Variants in ATP9A observed in about 807,000 individuals in gnomAD.
The protein encoded by ATP9A is ATPase phospholipid transporting 9A.
ATP9A carries 52 observed loss-of-function variants against 144.1 expected under a neutral mutation model. The observed-to-expected ratio is 0.36, with a 90% CI of 0.29 to 0.45. ATP9A has a LOEUF of 0.45. Ranked by LOEUF, ATP9A falls within the 20% of genes least tolerant of loss-of-function variation. The probability of loss-of-function intolerance (pLI) is 1.00; values close to 1 mark genes in which losing one functional copy is unlikely to be tolerated. For missense variants in ATP9A, 947 were observed against 1,392.7 expected (o/e 0.68, Z 5.09); for synonymous variants, 582 against 557.4 (o/e 1.04, Z -0.62).
chr20:51,642,464 T>A (rs1008342089), intron 14 of ATP9A, among the ~76,000 whole-genome samples: 1 of 152,116 alleles, frequency 6.6e-6, no homozygotes, highest in Non-Finnish European at 1.5e-5. Flanking sequence ...GGCCAGCATC[T>A]GTTTTAAAAT....
intron 14 of ATP9A, among the ~76,000 whole-genome samples, chr20:51,642,360 G>A (rs2077323196): frequency 1.3e-5 from 2 of 151,894 alleles, no homozygotes; most frequent in Admixed American, 1.3e-4. Context: ...TCACCATGTT[G>A]GCCAAATTGG....
chr20:51,750,852 GAACCCAGCAGA>G lies in ATP9A; in HGVS notation c.68+17439_68+17449del, dbSNP rs1568847202. On this transcript the variant is annotated intron_variant, in intron 1 of 27. Transcript: ENST00000338821. ...ACCTAGGGAGGAATCCAAATGGCAG[GAACCCAGCAGA>G]GACACACCAAGGGTCCCCACTGGCA... 1.9e-4 allele frequency among the ~76,000 whole-genome samples: 29 copies of G among 152,250 alleles called. No individual in the cohort carries two copies. The South Asian group carries it at 5.4e-3, about 28-fold the overall frequency.
chr20:51,710,777 G>A (rs1448871396), intron 4 of ATP9A, among the ~76,000 whole-genome samples: 1 of 152,166 alleles, frequency 6.6e-6, no homozygotes, highest in Non-Finnish European at 1.5e-5. Context: ...ACTTTCTCAA[G>A]AGCTGAGTGA....
chr20:51,604,732 C>A (rs1181118291), intron 27 of ATP9A, 85 bp downstream of exon 27: 1 of 1,263,800 alleles, frequency 7.9e-7, no homozygotes, highest in East Asian at 2.9e-5. Context: ...GCGCTGGGAA[C>A]CCCCCTTCCT....
chr20:51,747,384 G>A (rs1005781969), intron 1 of ATP9A, among the ~76,000 whole-genome samples: 6 of 152,130 alleles, frequency 3.9e-5, no homozygotes, highest in Admixed American at 6.5e-5. Context: ...TGTTCACAGC[G>A]GCAATAGACA....
intron 3 of ATP9A, among the ~76,000 whole-genome samples, chr20:51,721,800 CAAA>C (rs1159903304): frequency 2.3e-5 from 2 of 86,868 alleles, no homozygotes; most frequent in Non-Finnish European, 2.3e-5. Context: ...GACTCCATCT[CAAA>C]AAAAAAAAAA....
intron 13 of ATP9A, among the ~76,000 whole-genome samples, chr20:51,667,003 T>A (rs1312661936): frequency 6.6e-6 from 1 of 152,180 alleles, no homozygotes; most frequent in Non-Finnish European, 1.5e-5. Flanking sequence ...ACACTCTCAC[T>A]TGGGTAGATC....
intron 15 of ATP9A, among the ~76,000 whole-genome samples, chr20:51,632,439 T>C (rs1015421212): frequency 2.2e-4 from 34 of 152,194 alleles, no homozygotes; most frequent in Non-Finnish European, 3.5e-4. Context: ...GTCATTTGCA[T>C]AGAGCATTTG....
At chr20:51,758,343 G>C (rs1048324183) in intron 1 of ATP9A, among the ~76,000 whole-genome samples, 8 of 152,070 alleles carry the variant, frequency 5.3e-5, no homozygotes, top group African/African-American at 1.7e-4. Flanking sequence ...ACCTTCATGA[G>C]TGACCCTGAA....
At position 51,690,244 on chromosome 20, in the gene ATP9A, A is replaced by C. The variant is rs575430169; in HGVS notation, c.723+495T>G. Among the ~76,000 whole-genome samples, 31 of 151,406 alleles carry C rather than the reference A, an allele frequency of 2.0e-4. 1 individual carries two copies. Among genetic ancestry groups the C allele is most frequent in the South Asian group, 1.3e-3 (6 of 4,762 alleles). ...GACCATCCTGGCTAACACCGTGAAA[A>C]CCCGTCTCTACTAAAAATACAAAAA... On this transcript the variant is annotated intron_variant, in intron 8 of 27. Transcript: ENST00000338821.
At chr20:51,731,124 T>C (rs1239541713) in intron 1 of ATP9A, among the ~76,000 whole-genome samples, 1 of 151,036 alleles carries the variant, frequency 6.6e-6, no homozygotes, top group African/African-American at 2.4e-5. Context: ...ACCAAGATGG[T>C]GAAACCCCGT....
chr20:51,717,960 A>G (rs969538772), intron 3 of ATP9A, among the ~76,000 whole-genome samples: 3 of 152,164 alleles, frequency 2.0e-5, no homozygotes, highest in African/African-American at 7.2e-5. Context: ...AAAAAAAAAA[A>G]AAAGAAAGAA....
At chr20:51,748,948 T>TAGATAGAC (rs765791447) in intron 1 of ATP9A, among the ~76,000 whole-genome samples, 5,029 of 137,796 alleles carry the variant, frequency 0.036, 122 homozygotes, top group African/African-American at 0.053. Context: ...GATAGATAGA[T>TAGATAGAC]AGACAGACAG....
rs111691320 is a variant in ATP9A, at chr20:51,639,290, G to A, written c.1668+53C>T. 7,228 of 1,536,444 alleles carry A rather than the reference G, an allele frequency of 4.7e-3. 33 individuals carry two copies. Among genetic ancestry groups the A allele is most frequent in the Middle Eastern group, 8.6e-3 (49 of 5,710 alleles). ...AGAATGTCAACCCACAGGGACACAC[G>A]CAGCACACCTGGGGTACTTAAGCAC... On this transcript the variant is annotated intron_variant, in intron 15 of 27. Transcript: ENST00000338821.
At chr20:51,689,810 T>C (rs1568821911) in intron 8 of ATP9A, among the ~76,000 whole-genome samples, 1 of 151,730 alleles carries the variant, frequency 6.6e-6, no homozygotes, top group African/African-American at 2.4e-5. Flanking sequence ...ATAGGATTTG[T>C]ATGAATAAAA....
chr20:51,615,633 T>G (rs2077200399), intron 22 of ATP9A, among the ~76,000 whole-genome samples: 1 of 152,130 alleles, frequency 6.6e-6, no homozygotes, highest in South Asian at 2.1e-4. Flanking sequence ...ACTTCTAGAT[T>G]CTTTTATTTT....
At chr20:51,755,913 C>T (rs1441945451) in intron 1 of ATP9A, among the ~76,000 whole-genome samples, 1 of 151,932 alleles carries the variant, frequency 6.6e-6, no homozygotes, top group Non-Finnish European at 1.5e-5. Context: ...CGAGATCGTG[C>T]CACTGAACTC....
intron 13 of ATP9A, among the ~76,000 whole-genome samples, chr20:51,668,929 TATTCAGGG>T (rs1327275488): frequency 6.6e-6 from 1 of 152,232 alleles, no homozygotes; most frequent in Non-Finnish European, 1.5e-5. Context: ...TATCAAGAAG[TATTCAGGG>T]ATTCTGCCTT....
intron 16 of ATP9A, 77 bp downstream of exon 16, chr20:51,628,903 C>T: frequency 7.9e-7 from 1 of 1,261,670 alleles, no homozygotes. Flanking sequence ...AATACAGAGA[C>T]CCACCTTACC....
Sources: gnomAD v4.1 joint callset for allele counts (sites outside exome capture counted in the v4.1 genomes callset) on GRCh38, gnomAD v4.1.1 for gene constraint, MANE v1.5 for transcripts, NCBI Gene and HGNC (gene_info 2026-07-23, HGNC 2026-07-21) for gene names.